The following SPTBN1 variants were observed in gnomAD, a reference collection of about 807,000 sequenced individuals.
The protein encoded by SPTBN1 is spectrin beta chain, non-erythrocytic 1.
In SPTBN1, 32 loss-of-function variants were observed where a neutral mutation model predicts 266.4. The ratio of observed to expected loss-of-function variants is 0.12; its 90% CI spans 0.09 to 0.16. SPTBN1 has a LOEUF of 0.16. SPTBN1 is among the 10% of genes least tolerant of loss of function. The pLI is 1.00. For missense variants in SPTBN1, 2,296 were observed against 3,067.1 expected (o/e 0.75, Z 5.94); for synonymous variants, 1,336 against 1,162.2 (o/e 1.15, Z -3.04).
chr2:54,583,544 C>T lies in SPTBN1; in HGVS notation c.149-15548C>T, dbSNP rs187396490. Among the ~76,000 whole-genome samples the T allele has an allele frequency of 1.2e-3, 186 of 152,248 alleles. 1 individual carries two copies. The highest frequency in any genetic ancestry group is 2.5e-3 in the Admixed American group (38 of 15,298). ...GGAACATGGTTTGAAAACTACTCCC[C>T]TGGCATCCTGTAGACCCCAGTGTTT... On this transcript the variant is annotated intron_variant, in intron 2 of 35. Coordinates refer to ENST00000356805, the MANE Select transcript of SPTBN1 (RefSeq NM_003128.3).
Position 54,612,117 on chromosome 2 carries a change from C to G in SPTBN1, c.301-44C>G, listed in dbSNP as rs187051871. The G allele has an allele frequency of 4.0e-5, 61 of 1,531,166 alleles. No homozygotes were observed. The African/African-American group carries it at 7.7e-4, about 19-fold the overall frequency. The allele number at this position is 1,531,166 out of a possible 1,614,324, so 94.8% of individuals were successfully genotyped here. On this transcript the variant is annotated intron_variant, in intron 3 of 35. Coordinates refer to ENST00000356805, the MANE Select transcript of SPTBN1 (RefSeq NM_003128.3). ...GGCAGTAACTCGGGGTTCATCTCTACTCTGTTGGGTGATGTGTCTCTACCT... is the reference window on the plus strand; with the variant it reads ...GGCAGTAACTCGGGGTTCATCTCTAGTCTGTTGGGTGATGTGTCTCTACCT...
At chr2:54,506,990 A>G (rs1390007123) in intron 1 of SPTBN1, among the ~76,000 whole-genome samples, 1 of 147,924 alleles carries the variant, frequency 6.8e-6, no homozygotes, top group Non-Finnish European at 1.5e-5. Flanking sequence ...TGGGATTATC[A>G]TTAGTTCTTA....
At chr2:54,466,294 A>C (rs1693625810) in intron 1 of SPTBN1, among the ~76,000 whole-genome samples, 1 of 152,168 alleles carries the variant, frequency 6.6e-6, no homozygotes. Flanking sequence ...AGTACAACAG[A>C]ATTTATTCCT....
chr2:54,642,529 G>GTTTGTTT (rs1553349791), intron 18 of SPTBN1, among the ~76,000 whole-genome samples: 1 of 92,296 alleles, frequency 1.1e-5, no homozygotes. Flanking sequence ...TAAATAAGTA[G>GTTTGTTT]TTTTTTTTTT....
At position 54,668,715 on chromosome 2, in the gene SPTBN1, G is replaced by C. The variant is rs528469612; in HGVS notation, c.*146G>C. The C allele has an allele frequency of 1.1e-4, 77 of 684,970 alleles. 3 individuals carry two copies. Among genetic ancestry groups the C allele is most frequent in the African/African-American group, 1.5e-4 (8 of 53,272 alleles). The allele number at this position is 684,970 out of a possible 1,614,324, so 42.4% of individuals were successfully genotyped here. A position where few individuals can be genotyped will look rare whatever the true frequency, so the allele number is the denominator to read the frequency against. Reference sequence around the variant, plus strand: ...TTTTTTAATTTATAGAGCATTTCGGGGGGGGTGGGGGAAACACACCTAAAC... The same window carrying C: ...TTTTTTAATTTATAGAGCATTTCGGCGGGGGTGGGGGAAACACACCTAAAC... On this transcript the variant is annotated 3_prime_UTR_variant, in exon 36 of 36. Transcript: ENST00000356805.
intron 1 of SPTBN1, among the ~76,000 whole-genome samples, chr2:54,495,438 G>A (rs1459671792): frequency 6.6e-6 from 1 of 152,082 alleles, no homozygotes; most frequent in Non-Finnish European, 1.5e-5. Context: ...ACAGTTCTGC[G>A]TTGTCCAGGA....
rs79924562 is a variant in SPTBN1, at chr2:54,670,210, G to GA, written c.*1653dup. Reference sequence around the variant, plus strand: ...TTTATACAGATCAGACCAAAAAGAAGAAAAAAAAAAAACAGGCAAGAGGTT... The same window carrying GA: ...TTTATACAGATCAGACCAAAAAGAAGAAAAAAAAAAAAACAGGCAAGAGGTT... On this transcript the variant is annotated 3_prime_UTR_variant, in exon 36 of 36. Transcript: ENST00000356805. 405 of 140,942 alleles carry GA rather than the reference G, an allele frequency of 2.9e-3. No individual in the cohort carries two copies. Among genetic ancestry groups the GA allele is most frequent in the South Asian group, 9.4e-3 (42 of 4,458 alleles). The allele number at this position is 140,942 out of a possible 1,614,324, so 8.7% of individuals were successfully genotyped here.
At position 54,548,671 on chromosome 2, in the gene SPTBN1, C is replaced by T. The variant is rs916954033; in HGVS notation, c.148+22105C>T. Among the ~76,000 whole-genome samples, 7 of 151,982 alleles carry T rather than the reference C, an allele frequency of 4.6e-5. No homozygotes were observed. The South Asian group carries it at 1.5e-3, about 31-fold the overall frequency. ...GCCTGCTTTCTAATCTCCAGCATGC[C>T]GGTAGCTTGCTTTGTAACTCTGGGC... On this transcript the variant is annotated intron_variant, in intron 2 of 35. Transcript: ENST00000356805.
At chr2:54,549,913 T>C (rs923139330) in intron 2 of SPTBN1, among the ~76,000 whole-genome samples, 2 of 152,190 alleles carry the variant, frequency 1.3e-5, no homozygotes, top group Non-Finnish European at 2.9e-5. Flanking sequence ...AGACATTTAT[T>C]GAGGATCTGT....
intron 1 of SPTBN1, among the ~76,000 whole-genome samples, chr2:54,474,201 T>C (rs1015884761): frequency 1.6e-4 from 24 of 152,248 alleles, no homozygotes; most frequent in Admixed American, 6.5e-4. Flanking sequence ...GTAAAAGTTT[T>C]GCTGTCTGAA....
intron 1 of SPTBN1, among the ~76,000 whole-genome samples, chr2:54,463,838 TAGGAA>T (rs1360338541): frequency 6.6e-6 from 1 of 152,130 alleles, no homozygotes; most frequent in Non-Finnish European, 1.5e-5. Flanking sequence ...GTCAAAATAA[TAGGAA>T]AGGAAAATCT....
At position 54,558,805 on chromosome 2, in the gene SPTBN1, C is replaced by G; in HGVS notation, c.148+32239C>G. ...TGGAATTGCAGAGGACGTCTAGTATCTCCGGGCCGCTGTCGCCGGCGTACA... is the reference window on the plus strand; with the variant it reads ...TGGAATTGCAGAGGACGTCTAGTATGTCCGGGCCGCTGTCGCCGGCGTACA... On this transcript the variant is annotated intron_variant, in intron 2 of 35. Transcript: ENST00000356805. The surrounding 1 kb of genome is among the most constrained non-coding windows in gnomAD (Gnocchi z 4.6). The G allele has an allele frequency of 6.2e-7, 1 of 1,613,854 alleles. No individual in the cohort carries two copies. The highest frequency in any genetic ancestry group is 8.5e-7 in the Non-Finnish European group (1 of 1,179,826).
At chr2:54,549,427 C>A (rs1476801014) in intron 2 of SPTBN1, among the ~76,000 whole-genome samples, 1 of 152,032 alleles carries the variant, frequency 6.6e-6, no homozygotes, top group African/African-American at 2.4e-5. Context: ...ATGTATATAC[C>A]AATTTTCAGA....
intron 2 of SPTBN1, among the ~76,000 whole-genome samples, chr2:54,548,290 A>G (rs534301897): frequency 3.3e-5 from 5 of 152,358 alleles, no homozygotes; most frequent in Non-Finnish European, 7.3e-5. Context: ...GGATTTTTAA[A>G]CAACAAAGTT....
At chr2:54,545,261 G>C (rs1672174056) in intron 2 of SPTBN1, 1 of 152,178 alleles carries the variant, frequency 6.6e-6, no homozygotes, top group Non-Finnish European at 1.5e-5. Flanking sequence ...CTTTATAGTA[G>C]AATGATGTAT....
intron 29 of SPTBN1, 51 bp from the exon 30 acceptor site, chr2:54,657,799 C>G (rs115991277): frequency 6.2e-7 from 1 of 1,610,708 alleles, no homozygotes; most frequent in African/African-American, 1.3e-5. Flanking sequence ...GGCCATATGA[C>G]TGCCCGGCAC....
chr2:54,546,556 AC>A (rs1336942662), intron 2 of SPTBN1: 9 of 152,214 alleles, frequency 5.9e-5, no homozygotes, highest in African/African-American at 1.9e-4. Flanking sequence ...AAAGATGCTG[AC>A]TGAAAAATAA....
At chr2:54,661,799 T>G (rs1206183299) in intron 32 of SPTBN1, 1 of 985,330 alleles carries the variant, frequency 1.0e-6, no homozygotes, top group African/African-American at 1.7e-5. Flanking sequence ...TTGACACTTT[T>G]TGTATCTAGA....
At chr2:54,485,382 A>C (rs138547402) in intron 1 of SPTBN1, among the ~76,000 whole-genome samples, 1 of 152,154 alleles carries the variant, frequency 6.6e-6, no homozygotes, top group Non-Finnish European at 1.5e-5. Flanking sequence ...TGGTGGAGAC[A>C]GGGTTTCACT....
Sources: allele counts gnomAD v4.1 joint callset (sites outside exome capture counted in the v4.1 genomes callset), GRCh38; gene constraint gnomAD v4.1.1; non-coding constraint Gnocchi (gnomAD v3.1); transcripts MANE v1.5; gene names NCBI Gene and HGNC (gene_info 2026-07-23, HGNC 2026-07-21).